Variants in ACBD6 observed in about 807,000 individuals in gnomAD.
The protein encoded by ACBD6 is acyl-CoA binding domain containing 6.
A neutral mutation model predicts 37.2 loss-of-function variants in ACBD6; 28 were observed. The ratio of observed to expected loss-of-function variants is 0.75; its 90% confidence interval spans 0.56 to 1.03. The LOEUF (loss-of-function observed/expected upper bound fraction) is 1.03, where lower values mean the gene tolerates loss of function less well. Ranked by LOEUF, ACBD6 falls within the 50% of genes least tolerant of loss-of-function variation. The pLI is 0.00. For synonymous variants in ACBD6, 113 were observed against 126.8 expected (o/e 0.89, Z 0.73); for missense variants, 340 against 337.4 (o/e 1.01, Z -0.06).
chr1:180,385,768 G>C (rs1187417781), intron 6 of ACBD6, among the ~76,000 whole-genome samples: 1 of 152,112 alleles, frequency 6.6e-6, no homozygotes, highest in Non-Finnish European at 1.5e-5. Context: ...CTTTGATTTA[G>C]AACCTCCAGA....
chr1:180,481,513 T>C (rs1054202297), intron 3 of ACBD6, among the ~76,000 whole-genome samples: 1 of 152,240 alleles, frequency 6.6e-6, no homozygotes, highest in Non-Finnish European at 1.5e-5. Flanking sequence ...CAAAATTCAC[T>C]TTCCCTGTGT....
intron 7 of ACBD6, among the ~76,000 whole-genome samples, chr1:180,298,937 C>T (rs1416292657): frequency 6.6e-6 from 1 of 152,178 alleles, no homozygotes; most frequent in South Asian, 2.1e-4. Flanking sequence ...AGGCCACTTG[C>T]AGTATCTGTT....
chr1:180,464,987 G>GA (rs1199259933), intron 3 of ACBD6, among the ~76,000 whole-genome samples: 1 of 152,044 alleles, frequency 6.6e-6, no homozygotes, highest in Non-Finnish European at 1.5e-5. Flanking sequence ...ATATATAGAA[G>GA]ATTGAAGCTG....
At chr1:180,300,540 T>C (rs1172291728) in intron 7 of ACBD6, among the ~76,000 whole-genome samples, 3 of 152,182 alleles carry the variant, frequency 2.0e-5, no homozygotes, top group African/African-American at 7.2e-5. Context: ...TATTAAATAT[T>C]CCTGAATTGT....
intron 7 of ACBD6, among the ~76,000 whole-genome samples, chr1:180,290,190 AATT>A (rs1232344386): frequency 6.6e-6 from 1 of 152,070 alleles, no homozygotes; most frequent in Admixed American, 6.6e-5. Flanking sequence ...TATGGAGCTG[AATT>A]TCACGGACTT....
intron 3 of ACBD6, among the ~76,000 whole-genome samples, chr1:180,487,801 C>T (rs1037828879): frequency 1.3e-5 from 2 of 152,120 alleles, no homozygotes; most frequent in African/African-American, 4.8e-5. Flanking sequence ...TCCTGTCACA[C>T]CTTAAACTAC....
At chr1:180,468,587 A>G (rs183427020) in intron 3 of ACBD6, among the ~76,000 whole-genome samples, 31 of 152,314 alleles carry the variant, frequency 2.0e-4, no homozygotes, top group Admixed American at 3.3e-4. Context: ...GAGGTTGAAC[A>G]TCTTTCTCTG....
At chr1:180,374,186 A>T (rs1030079317) in intron 6 of ACBD6, among the ~76,000 whole-genome samples, 2 of 152,198 alleles carry the variant, frequency 1.3e-5, no homozygotes, top group Admixed American at 1.3e-4. Context: ...CATGAAAGTG[A>T]TTCCCATAAT....
At chr1:180,319,616 C>T (rs1047051270) in intron 6 of ACBD6, among the ~76,000 whole-genome samples, 4 of 152,170 alleles carry the variant, frequency 2.6e-5, no homozygotes, top group African/African-American at 9.6e-5. Flanking sequence ...AACTACTTTT[C>T]ATACCCATTA....
At chr1:180,457,207 A>C (rs1305516666) in intron 3 of ACBD6, among the ~76,000 whole-genome samples, 1 of 152,082 alleles carries the variant, frequency 6.6e-6, no homozygotes, top group Non-Finnish European at 1.5e-5. Flanking sequence ...ACAGAAATTT[A>C]CTCAGGCAGT....
intron 3 of ACBD6, among the ~76,000 whole-genome samples, chr1:180,449,410 CTTTT>C (rs34597184): frequency 7.2e-6 from 1 of 137,972 alleles, no homozygotes. Context: ...ACAACTCGCA[CTTTT>C]TTTTTTTTTT....
intron 3 of ACBD6, among the ~76,000 whole-genome samples, chr1:180,475,850 C>T (rs1267325057): frequency 6.6e-6 from 1 of 152,026 alleles, no homozygotes; most frequent in Admixed American, 6.6e-5. Context: ...TAGTGTTTAC[C>T]ATATGATGGA....
intron 7 of ACBD6, among the ~76,000 whole-genome samples, chr1:180,312,609 T>A (rs1650636980): frequency 6.6e-6 from 1 of 152,192 alleles, no homozygotes; most frequent in African/African-American, 2.4e-5. Flanking sequence ...GTATGCATGT[T>A]TTTCTTGTTT....
chr1:180,329,933 T>G lies in ACBD6; in HGVS notation c.664-15211A>C, dbSNP rs114684198. Among the ~76,000 whole-genome samples the G allele has an allele frequency of 2.3e-3, 349 of 152,310 alleles. 1 individual carries two copies. Among genetic ancestry groups the G allele is most frequent in the African/African-American group, 8.0e-3 (332 of 41,546 alleles). On this transcript the variant is annotated intron_variant, in intron 6 of 7. Transcript: ENST00000367595. ...CCACAAAATAATGGAACTAACTTGTTAATCAATAGTTACAAGATAACTTTC... is the reference window on the plus strand; with the variant it reads ...CCACAAAATAATGGAACTAACTTGTGAATCAATAGTTACAAGATAACTTTC...
At position 180,271,647 on chromosome 1, in the gene ACBD6, G is replaced by A. The variant is rs923114358; in HGVS notation, c.*1578C>T. ...GGTTGGGCTCAGGGCTTGACCCCAG[G>A]GCTTTTGCCAGAACTGAAGACAGAG... On this transcript the variant is annotated 3_prime_UTR_variant, in exon 14 of 14. Transcript: ENST00000642319. 5 of 1,437,322 alleles carry A rather than the reference G, an allele frequency of 3.5e-6. No individual in the cohort carries two copies. The African/African-American group carries it at 5.6e-5, about 16-fold the overall frequency. 89.0% of individuals were successfully genotyped at this position (1,437,322 alleles called of 1,614,324 possible). A position where few individuals can be genotyped will look rare whatever the true frequency, so the allele number is the denominator to read the frequency against.
intron 7 of ACBD6, among the ~76,000 whole-genome samples, chr1:180,311,527 T>C (rs1650594776): frequency 1.3e-5 from 2 of 152,276 alleles, no homozygotes; most frequent in South Asian, 4.1e-4. Flanking sequence ...AGCCTCCAAC[T>C]CCTGGACTCA....
chr1:180,434,752 C>T, intron 3 of ACBD6: 1 of 594,414 alleles, frequency 1.7e-6, no homozygotes, highest in Non-Finnish European at 3.1e-6. Flanking sequence ...ACTACCTCAA[C>T]AGGCCATAGC....
chr1:180,421,110 A>T (rs1278276883), intron 4 of ACBD6, among the ~76,000 whole-genome samples: 1 of 152,056 alleles, frequency 6.6e-6, no homozygotes, highest in East Asian at 1.9e-4. Flanking sequence ...AGACTGTCTC[A>T]TCACCTAGGT....
chr1:180,443,039 G>A (rs903272041), intron 3 of ACBD6, among the ~76,000 whole-genome samples: 4 of 151,170 alleles, frequency 2.6e-5, no homozygotes, highest in Non-Finnish European at 5.9e-5. Flanking sequence ...GACCTGTATT[G>A]TAAGCAAGGC....
Sources: allele counts gnomAD v4.1 joint callset (sites outside exome capture counted in the v4.1 genomes callset), GRCh38; gene constraint gnomAD v4.1.1; transcripts MANE v1.5; gene names NCBI Gene and HGNC (gene_info 2026-07-23, HGNC 2026-07-21).